The following PDE10A variants were observed in gnomAD, a reference collection of about 807,000 sequenced individuals.
PDE10A encodes the protein phosphodiesterase 10A.
A neutral mutation model predicts 97.7 loss-of-function variants in PDE10A; 39 were observed. The ratio of observed to expected loss-of-function variants is 0.40; its 90% CI spans 0.31 to 0.52. PDE10A has a LOEUF of 0.52. Among genes scored for constraint, PDE10A ranks in the 20% least tolerant of loss-of-function variants. The probability of loss-of-function intolerance (pLI) is 0.56; values close to 1 mark genes in which losing one functional copy is unlikely to be tolerated. For synonymous variants in PDE10A, 371 were observed against 376.8 expected, an observed-to-expected ratio of 0.98 and a Z score of 0.18; for missense variants, 731 against 1,047.8, an observed-to-expected ratio of 0.70 and a Z score of 4.17.
intron 1 of PDE10A, among the ~76,000 whole-genome samples, chr6:165,753,237 G>A (rs1793047450): frequency 6.6e-6 from 1 of 152,240 alleles, no homozygotes; most frequent in Admixed American, 6.5e-5. Context: ...ATAAGTTGAT[G>A]TCATCTAGTG....
chr6:165,879,588 GACCC>G (rs1781423904), intron 1 of PDE10A, among the ~76,000 whole-genome samples: 1 of 152,110 alleles, frequency 6.6e-6, no homozygotes, highest in Non-Finnish European at 1.5e-5. Context: ...TTGGTTCCAG[GACCC>G]CCTACAGATA....
chr6:165,460,303 T>A (rs191510935), intron 3 of PDE10A, among the ~76,000 whole-genome samples: 65 of 152,306 alleles, frequency 4.3e-4, no homozygotes, highest in Non-Finnish European at 5.1e-4. Context: ...TTGATTCAGA[T>A]TACAATGGGG....
intron 1 of PDE10A, among the ~76,000 whole-genome samples, chr6:165,557,139 G>A (rs976893867): frequency 6.8e-5 from 10 of 146,482 alleles, no homozygotes; most frequent in African/African-American, 2.0e-4. Context: ...ACTCCATGTC[G>A]AAAAAAAAAA....
chr6:165,822,291 C>T (rs1779597212), intron 1 of PDE10A, among the ~76,000 whole-genome samples: 2 of 141,272 alleles, frequency 1.4e-5, no homozygotes, highest in Admixed American at 1.4e-4. Context: ...GGCTGGATGG[C>T]ACAGCCCAAC....
chr6:165,894,748 T>C (rs1422884797), intron 1 of PDE10A: 1 of 329,786 alleles, frequency 3.0e-6, no homozygotes, highest in Non-Finnish European at 6.0e-6. Flanking sequence ...TGTGTTCATA[T>C]TGTGTTATAA....
At chr6:165,750,618 G>A (rs1319925981) in intron 1 of PDE10A, among the ~76,000 whole-genome samples, 1 of 152,220 alleles carries the variant, frequency 6.6e-6, no homozygotes, top group Non-Finnish European at 1.5e-5. Context: ...GGGCCCACAG[G>A]AAGTACAAAG....
At chr6:165,810,550 A>G (rs1779254344) in intron 1 of PDE10A, among the ~76,000 whole-genome samples, 1 of 152,144 alleles carries the variant, frequency 6.6e-6, no homozygotes, top group African/African-American at 2.4e-5. Flanking sequence ...GCCATGTGCC[A>G]TGTCCCCAGC....
At chr6:165,432,892 T>C (rs1196626536) in intron 7 of PDE10A, 82 bp downstream of exon 7, 2 of 927,664 alleles carry the variant, frequency 2.2e-6, no homozygotes, top group Non-Finnish European at 3.3e-6. Context: ...TTCAGTTTAG[T>C]ATTACTTAGC....
At chr6:165,774,654 T>C (rs36103309) in intron 1 of PDE10A, among the ~76,000 whole-genome samples, 27,177 of 148,068 alleles carry the variant, frequency 0.18, 2,876 homozygotes, top group East Asian at 0.45. Flanking sequence ...CTACCAAATT[T>C]GCTAGCTGAT....
intron 1 of PDE10A, among the ~76,000 whole-genome samples, chr6:165,642,284 C>T (rs1455479262): frequency 1.3e-5 from 2 of 152,136 alleles, no homozygotes; most frequent in East Asian, 3.9e-4. Context: ...TGTGGCTTCC[C>T]GTGCATATGT....
chr6:165,597,809 T>C (rs921599436), intron 1 of PDE10A, among the ~76,000 whole-genome samples: 3 of 152,228 alleles, frequency 2.0e-5, no homozygotes, highest in African/African-American at 7.2e-5. Context: ...TGTTGTGTCC[T>C]TCATAGGCCC....
Position 165,933,441 on chromosome 6 carries a change from C to T in PDE10A, c.-615+54088G>A, listed in dbSNP as rs182530544. Among the ~76,000 whole-genome samples the T allele has an allele frequency of 3.4e-4, 52 of 152,292 alleles. 1 individual carries two copies. The East Asian group carries it at 9.3e-3, about 27-fold the overall frequency. On this transcript the variant is annotated intron_variant, in intron 1 of 19. Coordinates refer to the PDE10A transcript ENST00000366882. Reference sequence around the variant, plus strand: ...TCTAGTTTGTCTCATTTTAGACTTGCTGAGGACAAATGAACTCAAGCCAGT... The same window carrying T: ...TCTAGTTTGTCTCATTTTAGACTTGTTGAGGACAAATGAACTCAAGCCAGT...
At chr6:165,885,153 C>G (rs1026804855) in intron 1 of PDE10A, among the ~76,000 whole-genome samples, 13 of 152,118 alleles carry the variant, frequency 8.5e-5, no homozygotes, top group African/African-American at 2.9e-4. Context: ...CATGATGTCT[C>G]TTTTTAAAAT....
chr6:165,430,295 G>A lies in PDE10A; in HGVS notation c.1593C>T (p.Asp531=), dbSNP rs61733396. ...KQTELNDFLL[D]VSKTYFDNIV... is the part of the protein sequence containing the mutation. ...TAGAAATGAACACTTACTTTGATAC[G>A]TCGAGTAGGAAGTCATTCAATTCTG... is the stretch of plus-strand genomic sequence containing the variant. Residue 531 remains aspartate, a synonymous_variant, in exon 9 of 22, where the codon GAC becomes GAT. Coordinates refer to ENST00000539869, the MANE Select transcript of PDE10A (RefSeq NM_001385079.1). The A allele has an allele frequency of 7.2e-5, 116 of 1,606,232 alleles. No homozygotes were observed. Among genetic ancestry groups the A allele is most frequent in the Middle Eastern group, 3.3e-4 (2 of 6,066 alleles).
intron 2 of PDE10A, among the ~76,000 whole-genome samples, chr6:165,510,616 C>T (rs540967049): frequency 6.6e-6 from 1 of 151,692 alleles, no homozygotes; most frequent in Admixed American, 6.6e-5. Flanking sequence ...TATTAGTTCA[C>T]TATGTTTGGC....
At chr6:165,663,739 G>T (rs1368779365), upstream of PDE10A, among the ~76,000 whole-genome samples, 1 of 152,206 alleles carries the variant, frequency 6.6e-6, no homozygotes, top group Non-Finnish European at 1.5e-5. Flanking sequence ...AGTTTGCCTT[G>T]GTTGGGGTTA....
At chr6:165,794,899 T>C (rs979676371) in intron 1 of PDE10A, among the ~76,000 whole-genome samples, 1 of 152,224 alleles carries the variant, frequency 6.6e-6, no homozygotes, top group Non-Finnish European at 1.5e-5. Context: ...CACAGGACTG[T>C]TCATGAATAA....
At chr6:165,390,163 AAAAC>A (rs1785592324) in intron 16 of PDE10A, among the ~76,000 whole-genome samples, 1 of 152,164 alleles carries the variant, frequency 6.6e-6, no homozygotes. Flanking sequence ...CAACAAAACA[AAAAC>A]AAACAAACAA....
chr6:165,513,614 G>A (rs1016086362), intron 2 of PDE10A, among the ~76,000 whole-genome samples: 2 of 151,992 alleles, frequency 1.3e-5, no homozygotes, highest in African/African-American at 2.4e-5. Flanking sequence ...TTGAAATTAT[G>A]GATCAATTTG....
Sources: gnomAD v4.1 joint callset for allele counts (sites outside exome capture counted in the v4.1 genomes callset) on GRCh38, gnomAD v4.1.1 for gene constraint, MANE v1.5 for transcripts, NCBI Gene and HGNC (gene_info 2026-07-23, HGNC 2026-07-21) for gene names.